Variants in TMEM132D observed in about 807,000 individuals in gnomAD.
The protein encoded by TMEM132D is mature OL transmembrane protein.
Under a neutral mutation model 62.3 loss-of-function variants are expected in TMEM132D, and 21 were observed. The observed-to-expected ratio is 0.34, with a 90% CI of 0.24 to 0.49. The LOEUF is 0.49. Ranked by LOEUF, TMEM132D falls within the 20% of genes least tolerant of loss-of-function variation. The probability of loss-of-function intolerance (pLI) is 0.99; values close to 1 mark genes in which losing one functional copy is unlikely to be tolerated. For missense variants in TMEM132D, 1,346 were observed against 1,402.8 expected (o/e 0.96, Z 0.65); for synonymous variants, 621 against 575.6 (o/e 1.08, Z -1.13).
chr12:129,881,352 T>C (rs1330555148), intron 1 of TMEM132D, among the ~76,000 whole-genome samples: 1 of 152,070 alleles, frequency 6.6e-6, no homozygotes, highest in Non-Finnish European at 1.5e-5. Flanking sequence ...CCAACTCATC[T>C]AATTGACATT....
intron 4 of TMEM132D, among the ~76,000 whole-genome samples, chr12:129,280,871 G>A (rs1002162253): frequency 2.6e-5 from 4 of 151,010 alleles, no homozygotes; most frequent in African/African-American, 9.8e-5. Flanking sequence ...TGTTTCTCCA[G>A]AGAAACTTAA....
chr12:129,807,540 C>G (rs769696080), intron 1 of TMEM132D, among the ~76,000 whole-genome samples: 5 of 152,202 alleles, frequency 3.3e-5, no homozygotes, highest in Non-Finnish European at 7.3e-5. Context: ...GTTCTCCTCT[C>G]TCTAAGATGC....
rs376940646 is a variant in TMEM132D at position 129,649,797 on chromosome 12, CGTAT to C, written c.968+50009_968+50012del. ...ATGTGTGTATATGTATGTGTGTGTG[CGTAT>C]GTGTGTGTGTATGTGTGTATATGTG... is the stretch of plus-strand genomic sequence containing the variant. On this transcript the variant is annotated intron_variant, in intron 2 of 8. Coordinates refer to ENST00000422113, the MANE Select transcript of TMEM132D (RefSeq NM_133448.3). Among the ~76,000 whole-genome samples the C allele has an allele frequency of 1.7e-3, 260 of 149,018 alleles. 1 individual carries two copies. In the East Asian group the frequency reaches 0.036, roughly 20 times the overall value.
intron 4 of TMEM132D, among the ~76,000 whole-genome samples, chr12:129,246,765 CAA>C (rs60215528): frequency 0.042 from 6,231 of 148,496 alleles, 263 homozygotes; most frequent in East Asian, 0.22. Flanking sequence ...GACTCTATCT[CAA>C]AAAAAAAAAA....
chr12:129,660,165 G>C (rs150785286), intron 2 of TMEM132D, among the ~76,000 whole-genome samples: 5 of 152,284 alleles, frequency 3.3e-5, no homozygotes, highest in African/African-American at 4.8e-5. Flanking sequence ...AAAAGAGAGA[G>C]AGAGAGAGAG....
intron 2 of TMEM132D, among the ~76,000 whole-genome samples, chr12:129,543,687 G>A (rs948719509): frequency 2.0e-5 from 3 of 152,174 alleles, no homozygotes; most frequent in African/African-American, 7.2e-5. Context: ...GTTTTCACTG[G>A]ATGCTTATCA....
intron 4 of TMEM132D, among the ~76,000 whole-genome samples, chr12:129,225,017 G>A: frequency 6.6e-6 from 1 of 152,180 alleles, no homozygotes. Flanking sequence ...AGCTTAGGGT[G>A]AGGAGTGCGA....
In TMEM132D at chr12:129,512,415, A is replaced by G. The variant is rs374414155; in HGVS notation, c.1115+18644T>C. Among the ~76,000 whole-genome samples the G allele has an allele frequency of 5.3e-5, 8 of 152,244 alleles. No homozygotes were observed. The East Asian group carries it at 1.5e-3, about 29-fold the overall frequency. Reference sequence around the variant, plus strand: ...GAACTGTTGTATTCCATTTATCGTCAAAAGAGACGAGCCCTTCTTAGAATT... The same window carrying G: ...GAACTGTTGTATTCCATTTATCGTCGAAAGAGACGAGCCCTTCTTAGAATT... On this transcript the variant is annotated intron_variant, in intron 3 of 8. Coordinates refer to ENST00000422113, the MANE Select transcript of TMEM132D (RefSeq NM_133448.3).
chr12:129,363,189 G>A (rs1187633009), intron 3 of TMEM132D, among the ~76,000 whole-genome samples: 1 of 152,162 alleles, frequency 6.6e-6, no homozygotes, highest in Admixed American at 6.5e-5. Context: ...TCTAGCCTTA[G>A]GGAAAGCGAC....
At chr12:129,279,920 G>C (rs1593321367) in intron 4 of TMEM132D, among the ~76,000 whole-genome samples, 1 of 152,140 alleles carries the variant, frequency 6.6e-6, no homozygotes, top group South Asian at 2.1e-4. Context: ...AATTTTCTTG[G>C]TGTTAAAGTG....
chr12:129,842,105 T>G lies in TMEM132D; in HGVS notation c.79+61156A>C, dbSNP rs1248073505. Among the ~76,000 whole-genome samples the G allele has an allele frequency of 1.5e-4, 21 of 144,560 alleles. No individual in the cohort carries two copies. The East Asian group carries it at 4.1e-3, about 28-fold the overall frequency. 94.8% of individuals were successfully genotyped at this position (144,560 alleles called of 152,430 possible). ...ACCACCACGCCCGGCTAATTTTTTTTTTTTTTTTTTTTTTTTGTATTTTTA... is the reference window on the plus strand; with the variant it reads ...ACCACCACGCCCGGCTAATTTTTTTGTTTTTTTTTTTTTTTTGTATTTTTA... On this transcript the variant is annotated intron_variant, in intron 1 of 8. Transcript: ENST00000422113.
chr12:129,138,534 A>G (rs1438616719), intron 5 of TMEM132D, among the ~76,000 whole-genome samples: 1 of 152,104 alleles, frequency 6.6e-6, no homozygotes, highest in Non-Finnish European at 1.5e-5. Flanking sequence ...CCTGGCCAAT[A>G]TGGTGAAGAA....
intron 3 of TMEM132D, among the ~76,000 whole-genome samples, chr12:129,399,344 C>T (rs113848753): frequency 1.4e-3 from 26 of 18,648 alleles, no homozygotes; most frequent in African/African-American, 2.7e-3. Flanking sequence ...CCCATTCCCA[C>T]GACAACCAAC....
intron 1 of TMEM132D, among the ~76,000 whole-genome samples, chr12:129,891,408 T>A (rs1053413424): frequency 1.3e-4 from 20 of 152,168 alleles, no homozygotes; most frequent in African/African-American, 4.6e-4. Flanking sequence ...AGACCTCTAT[T>A]CATGAAGACT....
rs2135605021 is a variant in TMEM132D at position 129,074,875 on chromosome 12, A to C, written c.2300T>G (p.Val767Gly). The part of the protein sequence containing the change: ...AAETEGQGTL[V>G]KVEMVISESC... ...TTCACTAATAACCATTTCCACCTTG[A>C]CCAGGGTGCCTTGTCCTTCTGTTTC... Residue 767 changes from valine to glycine, a missense_variant, in exon 9 of 9, where the codon GTC (valine) becomes GGC (glycine). Coordinates refer to ENST00000422113, the MANE Select transcript of TMEM132D (RefSeq NM_133448.3). 6.2e-7 allele frequency: 1 copy of C among 1,613,746 alleles called. No homozygotes were observed. Among genetic ancestry groups the C allele is most frequent in the Non-Finnish European group, 8.5e-7 (1 of 1,179,994 alleles).
At chr12:129,565,548 T>A (rs1260193161) in intron 2 of TMEM132D, among the ~76,000 whole-genome samples, 1 of 152,192 alleles carries the variant, frequency 6.6e-6, no homozygotes, top group Non-Finnish European at 1.5e-5. Context: ...AACTAGTTTT[T>A]CAGGCTAACT....
chr12:129,295,142 C>T (rs1381539017), intron 4 of TMEM132D, among the ~76,000 whole-genome samples: 1 of 152,174 alleles, frequency 6.6e-6, no homozygotes, highest in Non-Finnish European at 1.5e-5. Context: ...ACTGCCTTTG[C>T]ATGTTACCTG....
At chr12:129,693,059 A>C (rs1011697981) in intron 2 of TMEM132D, among the ~76,000 whole-genome samples, 5 of 152,214 alleles carry the variant, frequency 3.3e-5, no homozygotes, top group Non-Finnish European at 7.3e-5. Flanking sequence ...AAAAACTCTT[A>C]GCAAACTAAG....
At chr12:129,404,421 T>C (rs1002239544) in intron 3 of TMEM132D, among the ~76,000 whole-genome samples, 7 of 152,272 alleles carry the variant, frequency 4.6e-5, no homozygotes, top group African/African-American at 1.4e-4. Context: ...GGTCTCGAAC[T>C]CCTGACCTAA....
Sources: allele counts gnomAD v4.1 joint callset (sites outside exome capture counted in the v4.1 genomes callset), GRCh38; gene constraint gnomAD v4.1.1; transcripts MANE v1.5; gene names NCBI Gene and HGNC (gene_info 2026-07-23, HGNC 2026-07-21).